Variants in RAP1GDS1 observed in about 807,000 individuals in gnomAD.
RAP1GDS1 encodes Rap1 GTPase-GDP dissociation stimulator 1.
A neutral mutation model predicts 71.1 loss-of-function variants in RAP1GDS1; 35 were observed. That is an observed-to-expected ratio of 0.49 (90% confidence interval 0.38 to 0.65). RAP1GDS1 has a LOEUF of 0.65. Among genes scored for constraint, RAP1GDS1 ranks in the 30% least tolerant of loss-of-function variants. The probability of loss-of-function intolerance (pLI) is 0.00; values close to 1 mark genes in which losing one functional copy is unlikely to be tolerated. For synonymous variants in RAP1GDS1, 229 were observed against 243.1 expected (o/e 0.94, Z 0.54); for missense variants, 663 against 706.1 (o/e 0.94, Z 0.69).
At chr4:98,393,699 T>G (rs1404521932) in intron 6 of RAP1GDS1, among the ~76,000 whole-genome samples, 1 of 152,198 alleles carries the variant, frequency 6.6e-6, no homozygotes, top group African/African-American at 2.4e-5. Context: ...ACCAGCCATG[T>G]GGCTTAATGG....
At chr4:98,283,055 C>G (rs1472584688) in intron 1 of RAP1GDS1, among the ~76,000 whole-genome samples, 1 of 152,076 alleles carries the variant, frequency 6.6e-6, no homozygotes, top group Non-Finnish European at 1.5e-5. Flanking sequence ...GTGAGAAACA[C>G]ATACCATCAA....
chr4:98,389,564 G>A (rs1463712630), intron 5 of RAP1GDS1, among the ~76,000 whole-genome samples: 5 of 152,114 alleles, frequency 3.3e-5, no homozygotes, highest in Non-Finnish European at 5.9e-5. Flanking sequence ...TGGGTAGTTA[G>A]ACACATTTTC....
At position 98,350,480 on chromosome 4, in the gene RAP1GDS1, G is replaced by C. The variant is rs77373526; in HGVS notation, c.236-1996G>C. 2.1e-3 allele frequency among the ~76,000 whole-genome samples: 327 copies of C among 152,174 alleles called. 3 individuals carry two copies. The highest frequency in any genetic ancestry group is 7.1e-3 in the African/African-American group (296 of 41,506). On this transcript the variant is annotated intron_variant, in intron 3 of 14. Coordinates refer to ENST00000408927, the MANE Select transcript of RAP1GDS1 (RefSeq NM_001100427.2). Reference sequence around the variant, plus strand: ...CTAGCATTTTGGGAGGCCACAATGGGAGGATCACTTGAGCCTAGAAGTTCG... The same window carrying C: ...CTAGCATTTTGGGAGGCCACAATGGCAGGATCACTTGAGCCTAGAAGTTCG...
At chr4:98,397,312 T>C (rs1405708421) in intron 6 of RAP1GDS1, among the ~76,000 whole-genome samples, 2 of 152,150 alleles carry the variant, frequency 1.3e-5, no homozygotes, top group Non-Finnish European at 2.9e-5. Context: ...ACTTTGCCTC[T>C]TTTAAAATTT....
intron 2 of RAP1GDS1, among the ~76,000 whole-genome samples, chr4:98,318,001 C>T (rs1731204481): frequency 6.6e-6 from 1 of 151,962 alleles, no homozygotes; most frequent in Middle Eastern, 3.4e-3. Context: ...CACCACCACG[C>T]CCGGCTAATT....
intron 4 of RAP1GDS1, among the ~76,000 whole-genome samples, chr4:98,372,919 G>A (rs1011776388): frequency 2.6e-5 from 4 of 151,890 alleles, no homozygotes; most frequent in Non-Finnish European, 5.9e-5. Flanking sequence ...CAACCTCCTG[G>A]CCACAAGAGA....
At chr4:98,359,356 G>T (rs934853138) in intron 4 of RAP1GDS1, among the ~76,000 whole-genome samples, 1 of 152,006 alleles carries the variant, frequency 6.6e-6, no homozygotes, top group African/African-American at 2.4e-5. Flanking sequence ...AATGAGAAAG[G>T]ACATTTCTGC....
intron 6 of RAP1GDS1, 82 bp downstream of exon 6, chr4:98,392,162 A>G: frequency 1.5e-6 from 2 of 1,293,210 alleles, no homozygotes; most frequent in Non-Finnish European, 2.1e-6. Context: ...TTAAGAAGCT[A>G]GAAATCCATT....
intron 6 of RAP1GDS1, 93 bp downstream of exon 6, chr4:98,392,173 T>G: frequency 8.6e-7 from 1 of 1,158,506 alleles, no homozygotes; most frequent in Non-Finnish European, 1.2e-6. Flanking sequence ...GAAATCCATT[T>G]AGATTGTATT....
intron 5 of RAP1GDS1, among the ~76,000 whole-genome samples, chr4:98,388,806 A>G (rs188570530): frequency 8.1e-4 from 123 of 152,312 alleles, no homozygotes; most frequent in African/African-American, 2.9e-3. Flanking sequence ...ATGTCTAAAA[A>G]TTATAGAAGA....
chr4:98,412,682 T>A (rs1747244953), intron 7 of RAP1GDS1, among the ~76,000 whole-genome samples: 1 of 152,090 alleles, frequency 6.6e-6, no homozygotes, highest in Admixed American at 6.5e-5. Flanking sequence ...TATTTCAATG[T>A]ATGTTCTATT....
At chr4:98,394,852 A>T (rs1448555801) in intron 6 of RAP1GDS1, among the ~76,000 whole-genome samples, 1 of 152,160 alleles carries the variant, frequency 6.6e-6, no homozygotes, top group Non-Finnish European at 1.5e-5. Flanking sequence ...ATAAACCCAG[A>T]TTCCAAATTG....
chr4:98,279,970 G>A (rs1303743876), intron 1 of RAP1GDS1, among the ~76,000 whole-genome samples: 1 of 152,166 alleles, frequency 6.6e-6, no homozygotes, highest in African/African-American at 2.4e-5. Flanking sequence ...AGTAATCCAT[G>A]GTGTATATGT....
At chr4:98,380,467 A>G (rs1741844110) in intron 5 of RAP1GDS1, among the ~76,000 whole-genome samples, 1 of 151,792 alleles carries the variant, frequency 6.6e-6, no homozygotes, top group Non-Finnish European at 1.5e-5. Context: ...TTATTGATCA[A>G]ATGGCTTACA....
chr4:98,421,139 A>G, intron 11 of RAP1GDS1, 116 bp from the exon 12 acceptor site: 1 of 1,174,522 alleles, frequency 8.5e-7, no homozygotes, highest in Non-Finnish European at 1.2e-6. Flanking sequence ...TCTAGCTTTA[A>G]TGAAATTGTC....
At chr4:98,326,594 G>T (rs1460239773) in intron 2 of RAP1GDS1, among the ~76,000 whole-genome samples, 1 of 152,054 alleles carries the variant, frequency 6.6e-6, no homozygotes, top group Non-Finnish European at 1.5e-5. Flanking sequence ...TTTATGCCCT[G>T]TGTTTCTACA....
At chr4:98,332,266 G>C (rs1300401445) in intron 2 of RAP1GDS1, among the ~76,000 whole-genome samples, 2 of 152,146 alleles carry the variant, frequency 1.3e-5, no homozygotes, top group African/African-American at 4.8e-5. Context: ...CCTTGAGCAG[G>C]GGAACACGTG....
At chr4:98,399,641 AAAG>A (rs1393441909) in intron 6 of RAP1GDS1, among the ~76,000 whole-genome samples, 5 of 152,184 alleles carry the variant, frequency 3.3e-5, no homozygotes, top group African/African-American at 7.2e-5. Flanking sequence ...ATACATCTCA[AAAG>A]AAGATACAAA....
intron 2 of RAP1GDS1, among the ~76,000 whole-genome samples, chr4:98,327,518 T>C (rs1733322274): frequency 6.6e-6 from 1 of 152,228 alleles, no homozygotes; most frequent in South Asian, 2.1e-4. Flanking sequence ...CAGGCATTTA[T>C]TCATGAGAAC....
Sources: gnomAD v4.1 joint callset for allele counts (sites outside exome capture counted in the v4.1 genomes callset) on GRCh38, gnomAD v4.1.1 for gene constraint, MANE v1.5 for transcripts, NCBI Gene and HGNC (gene_info 2026-07-23, HGNC 2026-07-21) for gene names.